Variants in RHPN1 observed in about 807,000 individuals in gnomAD.
RHPN1 encodes rhophilin Rho GTPase binding protein 1.
In RHPN1, 77 loss-of-function variants were observed where a neutral mutation model predicts 74.7. The ratio of observed to expected loss-of-function variants is 1.03; its 90% confidence interval spans 0.86 to 1.25. The LOEUF is 1.25. Ranked by LOEUF, RHPN1 falls within the 50% of genes most tolerant of loss-of-function variation. The probability of loss-of-function intolerance (pLI) is 0.00; values close to 1 mark genes in which losing one functional copy is unlikely to be tolerated. For synonymous variants in RHPN1, 444 were observed against 414.5 expected, an observed-to-expected ratio of 1.07 and a Z score of -0.87; for missense variants, 987 against 932.2, an observed-to-expected ratio of 1.06 and a Z score of -0.77.
At chr8:143,376,029 G>T (rs1296795343) in intron 2 of RHPN1, among the ~76,000 whole-genome samples, 1 of 152,234 alleles carries the variant, frequency 6.6e-6, no homozygotes, top group East Asian at 1.9e-4. Flanking sequence ...GAAGACCTGG[G>T]CTGCCTCTTC....
intron 3 of RHPN1, 123 bp from the exon 4 acceptor site, chr8:143,377,257 C>A (rs376221690): frequency 4.3e-6 from 3 of 691,462 alleles, no homozygotes; most frequent in Non-Finnish European, 7.4e-6. Flanking sequence ...AGGACACAGG[C>A]GCACGTGCAC....
rs1347787938 is a variant in RHPN1, at chr8:143,379,460, C to T, written c.897C>T (p.Ala299=). The T allele has an allele frequency of 1.3e-6, 2 of 1,571,324 alleles. No homozygotes were observed. Among genetic ancestry groups the T allele is most frequent in the Admixed American group, 1.8e-5 (1 of 54,318 alleles). Reference sequence around the variant, plus strand: ...GCCTCTCACCACCTGCCTCCATGGCCCCCCAAGACTGCCTGGCCCAGCTGC... The same window carrying T: ...GCCTCTCACCACCTGCCTCCATGGCTCCCCAAGACTGCCTGGCCCAGCTGC... The part of the protein sequence containing the change: ...FEGLSPPASM[A]PQDCLAQLRL... The change falls in exon 8 of 15, where the codon GCC becomes GCT. Residue 299 remains alanine (A), a synonymous_variant. Coordinates refer to ENST00000289013, the MANE Select transcript of RHPN1 (RefSeq NM_052924.3).
At chr8:143,381,366 C>A (rs746005091) in intron 12 of RHPN1, 22 bp downstream of exon 12, 1 of 1,591,516 alleles carries the variant, frequency 6.3e-7, no homozygotes, top group Non-Finnish European at 8.6e-7. Context: ...CGTCCCCAGG[C>A]ACCGCCCAGC....
intron 1 of RHPN1, chr8:143,374,094 A>G: frequency 1.0e-6 from 1 of 981,882 alleles, no homozygotes; most frequent in African/African-American, 1.7e-5. Context: ...TAAAATGCAC[A>G]CAAAGATCTC....
In RHPN1 at chr8:143,380,111, C is replaced by A; in HGVS notation, c.1152C>A (p.Pro384=). ...LPTHEQVFLQ[P]PTSSKPRGPV... is the part of the protein sequence containing the mutation. ...CGCACGAGCAGGTCTTCCTGCAGCC[C>A]CCCACCTCCTCTAAGCCCCGAGGCC... The change falls in exon 10 of 15, where the codon CCC becomes CCA. Residue 384 remains proline (P), a synonymous_variant. Coordinates refer to ENST00000289013, the MANE Select transcript of RHPN1 (RefSeq NM_052924.3). 1 of 1,552,664 alleles carries A rather than the reference C, an allele frequency of 6.4e-7. No individual in the cohort carries two copies. The highest frequency in any genetic ancestry group is 8.7e-7 in the Non-Finnish European group (1 of 1,149,358).
intron 14 of RHPN1, among the ~76,000 whole-genome samples, chr8:143,382,209 C>A (rs1223748757): frequency 6.6e-6 from 1 of 152,226 alleles, no homozygotes; most frequent in Non-Finnish European, 1.5e-5. Context: ...AGACTGGAGG[C>A]TTCTGGGCCA....
intron 1 of RHPN1, among the ~76,000 whole-genome samples, chr8:143,372,488 G>T (rs1342552386): frequency 1.3e-5 from 2 of 152,062 alleles, no homozygotes; most frequent in Non-Finnish European, 2.9e-5. Context: ...GTGCACATCG[G>T]CCCGTCCGCT....
rs765147638 is a variant in RHPN1 at position 143,378,309 on chromosome 8, A to G, written c.422A>G (p.Tyr141Cys). Residue 141 changes from tyrosine to cysteine, a missense_variant, in exon 5 of 15, where the codon TAC becomes TGC. Coordinates refer to ENST00000289013, the MANE Select transcript of RHPN1 (RefSeq NM_052924.3). The part of the protein sequence containing the change: ...SVHFGEDGAS[Y>C]EAEIRELEAL... ...CACTTTGGAGAGGACGGCGCCTCCT[A>G]CGAGGCAGAAATCAGGGAGCTGGAG... The G allele has an allele frequency of 3.2e-6, 5 of 1,569,624 alleles. No homozygotes were observed. Among genetic ancestry groups the G allele is most frequent in the Non-Finnish European group, 4.3e-6 (5 of 1,157,954 alleles).
chr8:143,376,865 T>C (rs1436445561), intron 3 of RHPN1, among the ~76,000 whole-genome samples: 1 of 1,426 alleles, frequency 7.0e-4, no homozygotes, highest in East Asian at 0.026. Context: ...TGTCTCTGTG[T>C]GTATATGTGT....
intron 3 of RHPN1, 104 bp from the exon 4 acceptor site, chr8:143,377,276 G>A: frequency 1.2e-6 from 1 of 840,786 alleles, no homozygotes; most frequent in Non-Finnish European, 1.9e-6. Context: ...ACACCCATGA[G>A]GGAGGGAGGC....
Position 143,381,874 on chromosome 8 carries a change from A to T in RHPN1, c.1703A>T (p.His568Leu), listed in dbSNP as rs1818760268. The T allele has an allele frequency of 6.2e-7, 1 of 1,612,866 alleles. No homozygotes were observed. The highest frequency in any genetic ancestry group is 1.3e-5 in the African/African-American group (1 of 74,934). ...GGGCAGCCATGCAGGTGGTGGAGAC[A>T]CGCGGAGGTGGTGACGGAGCTGAAG... is the stretch of plus-strand genomic sequence containing the variant. ...VNGQPCRWWR[H>L]AEVVTELKAA... Residue 568 changes from histidine to leucine, a missense_variant, in exon 14 of 15, where the codon CAC becomes CTC. Coordinates refer to ENST00000289013, the MANE Select transcript of RHPN1 (RefSeq NM_052924.3).
In RHPN1 at chr8:143,379,966, G is replaced by C. The variant is rs1235671530; in HGVS notation, c.1083G>C (p.Met361Ile). 2 of 1,568,932 alleles carry C rather than the reference G, an allele frequency of 1.3e-6. No homozygotes were observed. Among genetic ancestry groups the C allele is most frequent in the African/African-American group, 2.7e-5 (2 of 73,742 alleles). Residue 361 changes from methionine (M) to isoleucine (I), a missense_variant, in exon 9 of 15, where the codon ATG becomes ATC. Met to Ile is a conservative substitution (Grantham distance 10). Transcript: ENST00000289013. ...FRSLAHYHVA[M>I]ALCDGSPATE... Reference sequence around the variant, plus strand: ...CCCTGGCCCACTACCACGTAGCCATGGCCCTCTGCGACGGCTCCCGTGAGT... The same window carrying C: ...CCCTGGCCCACTACCACGTAGCCATCGCCCTCTGCGACGGCTCCCGTGAGT...
In RHPN1 at chr8:143,381,957, C is replaced by T. The variant is rs1818768872; in HGVS notation, c.1786C>T (p.Leu596=). ...QVVSLLPSSR[L]PSLGDRRPVL... ...GGTGTCGCTGCTGCCCAGCTCTAGA[C>T]TGCCCAGCTTGGTGAGCCCCTGGGG... is the stretch of plus-strand genomic sequence containing the variant. Residue 596 remains leucine (L), a synonymous_variant, in exon 14 of 15, where the codon CTG becomes TTG. Coordinates refer to ENST00000289013, the MANE Select transcript of RHPN1 (RefSeq NM_052924.3). 6.3e-7 allele frequency: 1 copy of T among 1,596,792 alleles called. No homozygotes were observed. Among genetic ancestry groups the T allele is most frequent in the Admixed American group, 1.7e-5 (1 of 58,866 alleles).
intron 11 of RHPN1, 84 bp downstream of exon 11, chr8:143,380,867 T>A: frequency 8.9e-7 from 1 of 1,118,082 alleles, no homozygotes. Context: ...GCTGATTGCA[T>A]TAAAGATGCA....
At chr8:143,364,933 T>C (rs1817541177), upstream of RHPN1, among the ~76,000 whole-genome samples, 1 of 152,172 alleles carries the variant, frequency 6.6e-6, no homozygotes, top group African/African-American at 2.4e-5. This position sits in a 1 kb window ranked among gnomAD's most constrained non-coding sequence, Gnocchi z 4.5. Context: ...TGTTACTCCA[T>C]TCATCACAGT....
rs368150976 is a variant in RHPN1, at chr8:143,381,646, C to G, written c.1563C>G (p.Gly521=). The G allele has an allele frequency of 6.8e-5, 109 of 1,610,896 alleles. No homozygotes were observed. The highest frequency in any genetic ancestry group is 8.6e-5 in the Non-Finnish European group (102 of 1,179,290). Residue 521 remains glycine (G), a synonymous_variant, in exon 13 of 15, where the codon GGC becomes GGG. Coordinates refer to ENST00000289013, the MANE Select transcript of RHPN1 (RefSeq NM_052924.3). ...VGPVHLTRGE[G]GFGLTLRGDS... ...CCGTCCACCTGACCCGAGGAGAGGG[C>G]GGCTTTGGCCTCACGCTTCGGGGAG...
At position 143,382,100 on chromosome 8, in the gene RHPN1, C is replaced by T. The variant is rs939105810; in HGVS notation, c.1797+132C>T. The T allele has an allele frequency of 8.4e-6, 8 of 948,638 alleles. No individual in the cohort carries two copies. The African/African-American group carries it at 1.0e-4, about 12-fold the overall frequency. 58.8% of individuals were successfully genotyped at this position (948,638 alleles called of 1,614,324 possible). ...GCAGGTAACCCTCCCTGGGCCGCCT[C>T]CTGGGCAGGGGCCACCTGTGCTGTG... On this transcript the variant is annotated intron_variant, in intron 14 of 14. Transcript: ENST00000289013.
rs1338683025 is a variant in RHPN1 at position 143,379,843 on chromosome 8, C to T, written c.960C>T (p.Tyr320=). The T allele has an allele frequency of 3.1e-6, 5 of 1,609,830 alleles. No individual in the cohort carries two copies. The South Asian group carries it at 3.3e-5, about 11-fold the overall frequency. ...TCCACCGGCAGGTGGCAGCCGAGTA[C>T]AGGCTAGTGCACCGGACCATGGCCC... ...AQEAAQVAAE[Y]RLVHRTMAQP... is the part of the protein sequence containing the mutation. Residue 320 remains tyrosine (Y), a synonymous_variant, in exon 9 of 15, where the codon TAC becomes TAT. Coordinates refer to ENST00000289013, the MANE Select transcript of RHPN1 (RefSeq NM_052924.3).
At chr8:143,381,408 G>A (rs994368885) in intron 12 of RHPN1, 64 bp downstream of exon 12, 5 of 1,511,500 alleles carry the variant, frequency 3.3e-6, no homozygotes, top group Non-Finnish European at 3.6e-6. Context: ...GCTCTGACCA[G>A]CACATGGCCT....
Sources: gnomAD v4.1 joint callset for allele counts (sites outside exome capture counted in the v4.1 genomes callset) on GRCh38, gnomAD v4.1.1 for gene constraint, Gnocchi (gnomAD v3.1) non-coding constraint, MANE v1.5 for transcripts, NCBI Gene and HGNC (gene_info 2026-07-23, HGNC 2026-07-21) for gene names.